The following DIP2C variants were observed in gnomAD, a reference collection of about 807,000 sequenced individuals.
DIP2C encodes the protein DIP2 acetate--CoA ligase C (putative), also known as disco-interacting protein 2 homolog C.
DIP2C carries 33 observed loss-of-function variants against 192.4 expected under a neutral mutation model. That is an observed-to-expected ratio of 0.17 (90% CI 0.13 to 0.23). The LOEUF is 0.23. Among genes scored for constraint, DIP2C ranks in the 10% least tolerant of loss-of-function variants. DIP2C has a pLI of 1.00. For synonymous variants in DIP2C, 979 were observed against 864.1 expected, an observed-to-expected ratio of 1.13 and a Z score of -2.33; for missense variants, 1,537 against 2,110.1, an observed-to-expected ratio of 0.73 and a Z score of 5.32.
intron 32 of DIP2C, among the ~76,000 whole-genome samples, chr10:298,822 C>T (rs1334231858): frequency 6.6e-6 from 1 of 152,242 alleles, no homozygotes; most frequent in Non-Finnish European, 1.5e-5. Flanking sequence ...CCCAACCCTC[C>T]AGTTCCTCAG....
chr10:466,745 CAA>C (rs1970231159), intron 3 of DIP2C, among the ~76,000 whole-genome samples: 1 of 151,670 alleles, frequency 6.6e-6, no homozygotes, highest in Non-Finnish European at 1.5e-5. Context: ...AGACACTTCT[CAA>C]AAGACATTTA....
rs777928346 is a variant in DIP2C, at chr10:472,542, G to T, written c.165C>A (p.Asp55Glu). ...CCCGGCGTTCTTGCGGCAAAGCTTG[G>T]TCCACCCCTGGATTTCAATAAAAAC... The part of the protein sequence containing the change: ...GAYLPQPPRV[D>E]QALPQERRAP... The change falls in exon 3 of 37, where the codon GAC (aspartate) becomes GAA (glutamate). Residue 55 changes from aspartate to glutamate, a missense_variant. Physicochemically the swap from Asp to Glu is conservative, Grantham distance 45 (BLOSUM62 2). Transcript: ENST00000280886. 9 of 1,613,870 alleles carry T rather than the reference G, an allele frequency of 5.6e-6. No homozygotes were observed. The African/African-American group carries it at 1.2e-4, about 22-fold the overall frequency.
At chr10:635,244 G>C (rs1222753160) in intron 1 of DIP2C, among the ~76,000 whole-genome samples, 1 of 152,248 alleles carries the variant, frequency 6.6e-6, no homozygotes, top group Non-Finnish European at 1.5e-5. Context: ...CCTGTGAATG[G>C]GGTGGGCTCC....
In DIP2C at chr10:534,837, C is replaced by T. The variant is rs371768451; in HGVS notation, c.86-48307G>A. 4.9e-4 allele frequency among the ~76,000 whole-genome samples: 75 copies of T among 151,856 alleles called. No homozygotes were observed. In the South Asian group the frequency reaches 8.8e-3, roughly 18 times the overall value. ...GACTACAGGCGCCTGCCACCGCGCCCGGCTAATTTTTTGTATTTTTAGTAG... is the reference window on the plus strand; with the variant it reads ...GACTACAGGCGCCTGCCACCGCGCCTGGCTAATTTTTTGTATTTTTAGTAG... On this transcript the variant is annotated intron_variant, in intron 1 of 36. Transcript: ENST00000280886.
At chr10:474,252 T>C (rs2153752) in intron 2 of DIP2C, among the ~76,000 whole-genome samples, 126,485 of 152,208 alleles carry the variant, frequency 0.83, 55,800 homozygotes, top group Non-Finnish European at 0.96. Context: ...CACCACCCCT[T>C]ACGCCACTGT....
chr10:492,946 G>GTAT (rs1274366718), intron 1 of DIP2C, among the ~76,000 whole-genome samples: 1 of 152,256 alleles, frequency 6.6e-6, no homozygotes, highest in Non-Finnish European at 1.5e-5. Context: ...GAATAATGTA[G>GTAT]TATTAACAGT....
At chr10:654,566 T>G (rs147328834) in intron 1 of DIP2C, among the ~76,000 whole-genome samples, 119 of 152,264 alleles carry the variant, frequency 7.8e-4, no homozygotes, top group African/African-American at 2.8e-3. Flanking sequence ...AGAAAACATC[T>G]CATTTCATCC....
At chr10:446,975 G>T (rs1026566150) in intron 3 of DIP2C, among the ~76,000 whole-genome samples, 3 of 152,154 alleles carry the variant, frequency 2.0e-5, no homozygotes, top group African/African-American at 7.2e-5. Context: ...ACATATTTTG[G>T]GTTTGATGTA....
intron 5 of DIP2C, among the ~76,000 whole-genome samples, chr10:419,686 T>G (rs932118500): frequency 1.3e-5 from 2 of 152,106 alleles, no homozygotes; most frequent in African/African-American, 4.8e-5. Flanking sequence ...GTAGGGTAGT[T>G]GGGTGGATTA....
At chr10:481,825 G>C (rs1287761939) in intron 2 of DIP2C, among the ~76,000 whole-genome samples, 1 of 152,150 alleles carries the variant, frequency 6.6e-6, no homozygotes, top group Non-Finnish European at 1.5e-5. Context: ...GGGGAAGTGA[G>C]GGCTGCCCCG....
At chr10:309,065 G>C (rs1956460355) in intron 32 of DIP2C, among the ~76,000 whole-genome samples, 1 of 152,220 alleles carries the variant, frequency 6.6e-6, no homozygotes, top group Non-Finnish European at 1.5e-5. Flanking sequence ...AAGGCACCAT[G>C]TCCCACGCAC....
intron 31 of DIP2C, among the ~76,000 whole-genome samples, chr10:314,970 G>T (rs554713751): frequency 6.6e-6 from 1 of 152,164 alleles, no homozygotes; most frequent in Admixed American, 6.5e-5. Flanking sequence ...TTATTGGTGC[G>T]ATTGCTGTTG....
chr10:319,194 T>C (rs1028608986), intron 31 of DIP2C, among the ~76,000 whole-genome samples: 1 of 152,172 alleles, frequency 6.6e-6, no homozygotes, highest in South Asian at 2.1e-4. Flanking sequence ...ATTACAGGCG[T>C]GAGCCACCGC....
At chr10:407,976 A>AC (rs1964926241) in intron 9 of DIP2C, among the ~76,000 whole-genome samples, 1 of 152,218 alleles carries the variant, frequency 6.6e-6, no homozygotes, top group Admixed American at 6.5e-5. Context: ...TTCGGGTGCC[A>AC]CATCCAAGAA....
intron 28 of DIP2C, among the ~76,000 whole-genome samples, chr10:342,099 T>C (rs1388112308): frequency 6.6e-6 from 1 of 152,154 alleles, no homozygotes; most frequent in Admixed American, 6.5e-5. Context: ...ACTCTAGCTA[T>C]TGAAATAGTG....
At chr10:573,772 AAAG>A (rs1266187483) in intron 1 of DIP2C, among the ~76,000 whole-genome samples, 7 of 152,224 alleles carry the variant, frequency 4.6e-5, no homozygotes, top group African/African-American at 1.4e-4. Flanking sequence ...ACTTAAAAAA[AAAG>A]AACAAGTAAT....
At chr10:503,280 C>T (rs532729373) in intron 1 of DIP2C, among the ~76,000 whole-genome samples, 1 of 152,280 alleles carries the variant, frequency 6.6e-6, no homozygotes, top group South Asian at 2.1e-4. Flanking sequence ...TCTGTAGATG[C>T]AGACAAGCTA....
rs1246393019 is a variant in DIP2C, at chr10:665,249, T to C, written c.85+24245A>G. 3 of 152,374 alleles carry C rather than the reference T, an allele frequency of 2.0e-5. No homozygotes were observed. In the East Asian group the frequency reaches 5.8e-4, roughly 29 times the overall value. 9.4% of individuals were successfully genotyped at this position (152,374 alleles called of 1,614,324 possible). A position where few individuals can be genotyped will look rare whatever the true frequency, so the allele number is the denominator to read the frequency against. ...ATACATATATACCTTAACCGTGCTT[T>C]ATATTATATACTAGTGATTGTTAAT... On this transcript the variant is annotated intron_variant, in intron 1 of 36. Coordinates refer to ENST00000280886, the MANE Select transcript of DIP2C (RefSeq NM_014974.3).
intron 17 of DIP2C, among the ~76,000 whole-genome samples, chr10:372,642 T>C (rs954571036): frequency 6.6e-6 from 1 of 151,392 alleles, no homozygotes; most frequent in East Asian, 2.0e-4. Context: ...TCCTTGCAGA[T>C]GTGCAAGACA....
Sources: gnomAD v4.1 joint callset for allele counts (sites outside exome capture counted in the v4.1 genomes callset) on GRCh38, gnomAD v4.1.1 for gene constraint, MANE v1.5 for transcripts, NCBI Gene and HGNC (gene_info 2026-07-23, HGNC 2026-07-21) for gene names.